Variants in GLIS3 observed in about 807,000 individuals in gnomAD.
GLIS3 encodes the protein GLIS family zinc finger 3.
Under a neutral mutation model 78.6 loss-of-function variants are expected in GLIS3, and 53 were observed. That is an observed-to-expected ratio of 0.67 (90% CI 0.54 to 0.85). GLIS3 has a LOEUF of 0.85. Among genes scored for constraint, GLIS3 ranks in the 40% least tolerant of loss-of-function variants. The pLI is 0.00. For synonymous variants in GLIS3, 684 were observed against 509.9 expected (o/e 1.34, Z -4.60); for missense variants, 1,703 against 1,231.1 (o/e 1.38, Z -5.74).
intron 2 of GLIS3, among the ~76,000 whole-genome samples, chr9:4,182,917 A>C (rs1464066369): frequency 6.6e-6 from 1 of 152,180 alleles, no homozygotes; most frequent in Non-Finnish European, 1.5e-5. Flanking sequence ...GGGAATTGAG[A>C]AGCAGAAATA....
intron 2 of GLIS3, among the ~76,000 whole-genome samples, chr9:4,339,203 C>G (rs972052289): frequency 2.6e-5 from 4 of 152,176 alleles, no homozygotes; most frequent in African/African-American, 7.2e-5. Flanking sequence ...GTGTAAGTCA[C>G]ATGAAGCCAG....
chr9:4,166,540 A>C (rs907441546), intron 2 of GLIS3, among the ~76,000 whole-genome samples: 1 of 152,268 alleles, frequency 6.6e-6, no homozygotes, highest in Non-Finnish European at 1.5e-5. Flanking sequence ...CACTAATGAT[A>C]TAAGTTCAAG....
At chr9:4,145,481 CATG>C (rs1401166206) in intron 2 of GLIS3, among the ~76,000 whole-genome samples, 1 of 152,152 alleles carries the variant, frequency 6.6e-6, no homozygotes, top group Non-Finnish European at 1.5e-5. Flanking sequence ...ATTGGAACAA[CATG>C]ATCTAAAACC....
chr9:4,059,382 T>A (rs1826431548), intron 4 of GLIS3, among the ~76,000 whole-genome samples: 1 of 152,220 alleles, frequency 6.6e-6, no homozygotes, highest in Admixed American at 6.5e-5. Context: ...CTGCTCTGCT[T>A]TCATCCTTCA....
At chr9:3,990,375 G>A (rs1030075652) in intron 4 of GLIS3, among the ~76,000 whole-genome samples, 9 of 152,120 alleles carry the variant, frequency 5.9e-5, no homozygotes, top group African/African-American at 9.7e-5. Context: ...AGTTGCACAC[G>A]GCAATGGCGC....
intron 9 of GLIS3, among the ~76,000 whole-genome samples, chr9:3,836,214 G>C (rs1360978490): frequency 6.6e-6 from 1 of 152,230 alleles, no homozygotes; most frequent in Admixed American, 6.5e-5. Flanking sequence ...CTGGGTAGAA[G>C]AATAAGCAGA....
chr9:4,050,243 T>C (rs1486297116), intron 4 of GLIS3, among the ~76,000 whole-genome samples: 4 of 152,172 alleles, frequency 2.6e-5, no homozygotes, highest in South Asian at 2.1e-4. Flanking sequence ...GTGGCACATA[T>C]ACCCCATGGA....
At chr9:4,333,742 C>T (rs868609813) in intron 2 of GLIS3, among the ~76,000 whole-genome samples, 4 of 124,596 alleles carry the variant, frequency 3.2e-5, no homozygotes, top group Non-Finnish European at 3.3e-5. Context: ...GATGCCCCCC[C>T]CCACCCCCCG....
At chr9:3,951,948 A>G (rs1588299106) in intron 4 of GLIS3, among the ~76,000 whole-genome samples, 1 of 151,854 alleles carries the variant, frequency 6.6e-6, no homozygotes, top group African/African-American at 2.4e-5. Context: ...CAGTAAAGAC[A>G]GATCTGGGAT....
In GLIS3 at chr9:4,269,331, T is replaced by A. The variant is rs190862850; in HGVS notation, c.388+16707A>T. On this transcript the variant is annotated intron_variant, in intron 2 of 10. Coordinates refer to ENST00000381971, the MANE Select transcript of GLIS3 (RefSeq NM_001042413.2). The stretch of plus-strand genomic sequence containing the variant: ...TGCACAAATCATGTGACAAGACCTG[T>A]CCCACCAGTCTTGATCTGCGCTTAA... Among the ~76,000 whole-genome samples, 50 of 152,242 alleles carry A rather than the reference T, an allele frequency of 3.3e-4. 1 individual carries two copies. The East Asian group carries it at 6.6e-3, about 20-fold the overall frequency.
chr9:4,453,345 C>CAAAAAAAAAAAAAA, the GLIS3 span, among the ~76,000 whole-genome samples: 4 of 91,650 alleles, frequency 4.4e-5, no homozygotes, highest in Non-Finnish European at 4.4e-5. Context: ...TTCTGCACAG[C>CAAAAAAAAAAAAAA]AAAAAAAAAA....
intron 4 of GLIS3, among the ~76,000 whole-genome samples, chr9:4,016,975 T>C (rs531009837): frequency 6.6e-6 from 1 of 152,316 alleles, no homozygotes; most frequent in East Asian, 1.9e-4. Flanking sequence ...AACAATCACA[T>C]TGCAAAATGC....
intron 2 of GLIS3, among the ~76,000 whole-genome samples, chr9:4,152,479 C>A (rs971153601): frequency 6.6e-6 from 1 of 152,118 alleles, no homozygotes; most frequent in Non-Finnish European, 1.5e-5. Flanking sequence ...ATTCTAGGAG[C>A]CTACACAAAT....
At chr9:4,016,473 T>G (rs1169894651) in intron 4 of GLIS3, among the ~76,000 whole-genome samples, 1 of 152,192 alleles carries the variant, frequency 6.6e-6, no homozygotes, top group African/African-American at 2.4e-5. Context: ...ACAAAGGGAC[T>G]TGATGAGCTC....
chr9:3,828,474 C>G (rs1817852101), intron 10 of GLIS3, 66 bp from the exon 11 acceptor site: 4 of 1,594,484 alleles, frequency 2.5e-6, no homozygotes, highest in Non-Finnish European at 3.4e-6. Context: ...TGGAAATGCA[C>G]TACAGTAATG....
chr9:4,329,940 T>A (rs1009602682), intron 2 of GLIS3, among the ~76,000 whole-genome samples: 4 of 152,040 alleles, frequency 2.6e-5, no homozygotes, highest in African/African-American at 9.7e-5. Context: ...ATATTATATT[T>A]ATTTTAGTGT....
chr9:3,871,555 G>A (rs147407559), intron 8 of GLIS3, among the ~76,000 whole-genome samples: 45 of 152,252 alleles, frequency 3.0e-4, no homozygotes, highest in African/African-American at 9.1e-4. Context: ...CTGTGTACCC[G>A]CAGGCTCAAC....
chr9:3,924,836 A>G (rs1365904967), intron 6 of GLIS3, among the ~76,000 whole-genome samples: 1 of 152,230 alleles, frequency 6.6e-6, no homozygotes, highest in Non-Finnish European at 1.5e-5. Context: ...CTTTTATTCC[A>G]AAATGATTTT....
intron 4 of GLIS3, among the ~76,000 whole-genome samples, chr9:4,011,414 G>C (rs183376725): frequency 6.6e-6 from 1 of 152,320 alleles, no homozygotes; most frequent in African/African-American, 2.4e-5. Flanking sequence ...AATGTGTTTT[G>C]TTACGAGGCA....
Sources: gnomAD v4.1 joint callset for allele counts (sites outside exome capture counted in the v4.1 genomes callset) on GRCh38, gnomAD v4.1.1 for gene constraint, MANE v1.5 for transcripts, NCBI Gene and HGNC (gene_info 2026-07-23, HGNC 2026-07-21) for gene names.